The following PIK3C2B variants were observed in gnomAD, a reference collection of about 807,000 sequenced individuals.
The protein encoded by PIK3C2B is phosphatidylinositol-4-phosphate 3-kinase catalytic subunit type 2 beta.
Under a neutral mutation model 184.3 loss-of-function variants are expected in PIK3C2B, and 83 were observed. The ratio of observed to expected loss-of-function variants is 0.45; its 90% CI spans 0.38 to 0.54. The LOEUF (loss-of-function observed/expected upper bound fraction) is 0.54, where lower values mean the gene tolerates loss of function less well. Among genes scored for constraint, PIK3C2B ranks in the 20% least tolerant of loss-of-function variants. The pLI is 0.00. For synonymous variants in PIK3C2B, 779 were observed against 837.6 expected, an observed-to-expected ratio of 0.93 and a Z score of 1.21; for missense variants, 1,736 against 2,113.5, an observed-to-expected ratio of 0.82 and a Z score of 3.50.
At position 204,434,497 on chromosome 1, in the gene PIK3C2B, A is replaced by C; in HGVS notation, c.3628T>G (p.Phe1210Val). Residue 1210 changes from phenylalanine to valine, a missense_variant, in exon 24 of 33, where the codon TTC becomes GTC. By Grantham distance (50) the Phe-to-Val change is conservative. Coordinates refer to ENST00000684373, the MANE Select transcript of PIK3C2B (RefSeq NM_001377334.1). ...AGGAAGCGGCCAAAATCAATGTGGA[A>C]CATGTGACCAGTGGTCTTCAGCATG... is the stretch of plus-strand genomic sequence containing the variant. Reference protein sequence around the residue: ...NIMLKTTGHMFHIDFGRFLGH... With the variant: ...NIMLKTTGHMVHIDFGRFLGH... 6.2e-7 allele frequency: 1 copy of C among 1,614,216 alleles called. No homozygotes were observed. Among genetic ancestry groups the C allele is most frequent in the East Asian group, 2.2e-5 (1 of 44,886 alleles).
At chr1:204,450,632 A>G (rs1461917139) in intron 12 of PIK3C2B, among the ~76,000 whole-genome samples, 1 of 152,102 alleles carries the variant, frequency 6.6e-6, no homozygotes, top group Non-Finnish European at 1.5e-5. Context: ...GACAAAGAGG[A>G]GGGGTTTCTC....
chr1:204,474,760 C>T (rs1051328558), intron 1 of PIK3C2B, among the ~76,000 whole-genome samples: 2 of 151,936 alleles, frequency 1.3e-5, no homozygotes, highest in Admixed American at 6.6e-5. Flanking sequence ...AAATATGTAT[C>T]TCTCCTTCAA....
chr1:204,454,159 G>C (rs907855196), intron 12 of PIK3C2B, among the ~76,000 whole-genome samples: 6 of 152,044 alleles, frequency 3.9e-5, no homozygotes, highest in Admixed American at 6.5e-5. Flanking sequence ...AACTTGAGAA[G>C]TGGTAATTAT....
intron 2 of PIK3C2B, chr1:204,467,152 G>T: frequency 3.0e-6 from 1 of 334,332 alleles, no homozygotes; most frequent in Non-Finnish European, 5.9e-6. Context: ...GGAAGGGTGA[G>T]GGAGTAGGGG....
intron 1 of PIK3C2B, among the ~76,000 whole-genome samples, chr1:204,470,941 A>T (rs1360817524): frequency 6.6e-6 from 1 of 152,260 alleles, no homozygotes; most frequent in Non-Finnish European, 1.5e-5. Flanking sequence ...ACTGATCTAT[A>T]ATGACAGAAA....
Position 204,447,599 on chromosome 1 carries a change from T to C in PIK3C2B, c.2347-21A>G. ...TCAATCTGGGGGATGAGATCAGGGA[T>C]GTGAGGAGAGAAAACAGGCAGCGTG... On this transcript the variant is annotated intron_variant, in intron 14 of 32. Transcript: ENST00000684373. This position sits in a 1 kb window ranked among gnomAD's most constrained non-coding sequence, Gnocchi z 4.1. 11 of 1,590,822 alleles carry C rather than the reference T, an allele frequency of 6.9e-6. No individual in the cohort carries two copies. The highest frequency in any genetic ancestry group is 9.4e-6 in the Non-Finnish European group (11 of 1,168,414).
At position 204,449,952 on chromosome 1, in the gene PIK3C2B, G is replaced by C. The variant is rs147048130; in HGVS notation, c.2132C>G (p.Ala711Gly). The C allele has an allele frequency of 1.1e-4, 181 of 1,610,072 alleles. 1 individual carries two copies. The highest frequency in any genetic ancestry group is 1.5e-4 in the Non-Finnish European group (172 of 1,178,360). Residue 711 changes from alanine (A) to glycine (G), a missense_variant, in exon 13 of 33, where the codon GCT becomes GGT. Around this residue, in one of 8 missense-constraint regions of PIK3C2B, gnomAD observed 609 missense variants for 699.2 expected, o/e 0.87. Coordinates refer to ENST00000684373, the MANE Select transcript of PIK3C2B (RefSeq NM_001377334.1). ...RETLLCATLY[A>G]LPIPPPGSSS... ...GCTCCCCGGTGGGGGGATGGGCAGA[G>C]CATAGAGAGTGGCACACAGCAGTGT...
rs377055468 is a variant in PIK3C2B at position 204,468,889 on chromosome 1, C to T, written c.914G>A (p.Arg305His). ...NRKNATPGKN[R>H]RISAAPVGSR... Reference sequence around the variant, plus strand: ...CCTCACCGGGGCTGCAGAAATCCGGCGGTTCTTGCCAGGCGTCGCATTCTT... The same window carrying T: ...CCTCACCGGGGCTGCAGAAATCCGGTGGTTCTTGCCAGGCGTCGCATTCTT... The change falls in exon 2 of 33, where the codon CGC becomes CAC. Residue 305 changes from arginine to histidine, a missense_variant. Around this residue, in one of 8 missense-constraint regions of PIK3C2B, gnomAD observed 404 missense variants for 418.0 expected, o/e 0.97. Transcript: ENST00000684373. 2.5e-4 allele frequency: 397 copies of T among 1,589,658 alleles called. 6 individuals are homozygous for T. The South Asian group carries it at 4.1e-3, about 17-fold the overall frequency.
intron 2 of PIK3C2B, chr1:204,467,017 CG>C: frequency 2.1e-6 from 1 of 473,874 alleles, no homozygotes; most frequent in Non-Finnish European, 4.3e-6. Context: ...CAAGCTGAGC[CG>C]GGGAGGACCA....
At chr1:204,428,995 C>CA in intron 29 of PIK3C2B, 1 of 440,354 alleles carries the variant, frequency 2.3e-6, no homozygotes, top group South Asian at 1.6e-5. Context: ...AGGCTGAGGC[C>CA]AGAGGATCGC....
intron 8 of PIK3C2B, among the ~76,000 whole-genome samples, chr1:204,458,494 A>ATTTTTTTTTTTTTTTTTT (rs1158541930): frequency 7.0e-6 from 1 of 142,118 alleles, no homozygotes. Flanking sequence ...GGCTATGACA[A>ATTTTTTTTTTTTTTTTTT]TTTTTTTTTT....
chr1:204,442,578 G>A lies in PIK3C2B; in HGVS notation c.3104C>T (p.Ser1035Leu), dbSNP rs369589019. 2.8e-5 allele frequency: 43 copies of A among 1,556,490 alleles called. No homozygotes were observed. The highest frequency in any genetic ancestry group is 7.1e-5 in the South Asian group (6 of 84,358). Reference sequence around the variant, plus strand: ...ACTGGGGCTGAGTGGCAAGCGGCACGAGCCATTGAGGGCAAAGAACTGCTT... The same window carrying A: ...ACTGGGGCTGAGTGGCAAGCGGCACAAGCCATTGAGGGCAAAGAACTGCTT... ...EVKQFFALNG[S>L]CRLPLSPSLL... The change falls in exon 20 of 33, where the codon TCG becomes TTG. Residue 1035 changes from serine (S) to leucine (L), a missense_variant. Around this residue, in one of 8 missense-constraint regions of PIK3C2B, gnomAD observed 289 missense variants for 380.4 expected, o/e 0.76. Transcript: ENST00000684373.
chr1:204,461,098 C>A (rs1185094840), intron 5 of PIK3C2B, among the ~76,000 whole-genome samples: 1 of 152,110 alleles, frequency 6.6e-6, no homozygotes, highest in Non-Finnish European at 1.5e-5. Context: ...GGGAGCTCAG[C>A]GAGAGACCCC....
chr1:204,454,265 G>C (rs929941512), intron 12 of PIK3C2B, among the ~76,000 whole-genome samples: 7 of 150,782 alleles, frequency 4.6e-5, no homozygotes, highest in Non-Finnish European at 1.0e-4. Context: ...GGCAGATCAC[G>C]AGGTCAGGAG....
rs780911238 is a variant in PIK3C2B at position 204,439,109 on chromosome 1, A to G, written c.3380-38T>C. The G allele has an allele frequency of 4.4e-6, 7 of 1,605,516 alleles. No individual in the cohort carries two copies. In the Admixed American group the frequency reaches 1.0e-4, roughly 23 times the overall value. On this transcript the variant is annotated intron_variant, in intron 22 of 32. Coordinates refer to ENST00000684373, the MANE Select transcript of PIK3C2B (RefSeq NM_001377334.1). Reference sequence around the variant, plus strand: ...AAATGGGGGTCACGTTCCAGACCAGAATGAAGGGGACTGCAGGGAGAGGAC... The same window carrying G: ...AAATGGGGGTCACGTTCCAGACCAGGATGAAGGGGACTGCAGGGAGAGGAC...
chr1:204,465,444 AG>A, intron 2 of PIK3C2B, 125 bp from the exon 3 acceptor site: 1 of 658,700 alleles, frequency 1.5e-6, no homozygotes, highest in East Asian at 2.6e-5. Context: ...ATCCAATGAA[AG>A]GGGCACAAGA....
chr1:204,489,662 G>A (rs949106260), intron 1 of PIK3C2B, among the ~76,000 whole-genome samples: 6 of 151,880 alleles, frequency 4.0e-5, no homozygotes, highest in Non-Finnish European at 5.9e-5. Context: ...TTCACTCTCT[G>A]GGAGACACAC....
chr1:204,449,964 G>A lies in PIK3C2B; in HGVS notation c.2120C>T (p.Ala707Val), dbSNP rs745964863. The A allele has an allele frequency of 6.2e-7, 1 of 1,606,638 alleles. No homozygotes were observed. ...NRLPRETLLC[A>V]TLYALPIPPP... ...GGGGATGGGCAGAGCATAGAGAGTG[G>A]CACACAGCAGTGTCTCCCGAGGCAG... The change falls in exon 13 of 33, where the codon GCC becomes GTC. Residue 707 changes from alanine (A) to valine (V), a missense_variant. Ala to Val is a moderately conservative substitution (Grantham distance 64, BLOSUM62 0). Transcript: ENST00000684373.
At chr1:204,439,644 ATAT>A (rs1675539015) in intron 22 of PIK3C2B, among the ~76,000 whole-genome samples, 1 of 151,974 alleles carries the variant, frequency 6.6e-6, no homozygotes, top group Non-Finnish European at 1.5e-5. Context: ...CTCTCTATAT[ATAT>A]ATTTTCACAC....
Sources: allele counts gnomAD v4.1 joint callset (sites outside exome capture counted in the v4.1 genomes callset), GRCh38; gene constraint gnomAD v4.1.1; regional missense constraint gnomAD v4.1.1; non-coding constraint Gnocchi (gnomAD v3.1); transcripts MANE v1.5; gene names NCBI Gene and HGNC (gene_info 2026-07-23, HGNC 2026-07-21).